CEP112: variants seen among roughly 807,000 people sequenced by gnomAD.
CEP112 encodes the protein centrosomal protein of 112 kDa.
CEP112 carries 127 observed loss-of-function variants against 153.0 expected under a neutral mutation model. The ratio of observed to expected loss-of-function variants is 0.83; its 90% CI spans 0.72 to 0.96. The LOEUF (loss-of-function observed/expected upper bound fraction) is 0.96. Ranked by LOEUF, CEP112 falls within the 40% of genes least tolerant of loss-of-function variation. The probability of loss-of-function intolerance (pLI) is 0.00; values close to 1 mark genes in which losing one functional copy is unlikely to be tolerated. For synonymous variants in CEP112, 358 were observed against 374.4 expected, an observed-to-expected ratio of 0.96 and a Z score of 0.51; for missense variants, 1,089 against 1,101.2, an observed-to-expected ratio of 0.99 and a Z score of 0.16.
At chr17:65,845,803 C>A (rs1361446432) in intron 21 of CEP112, among the ~76,000 whole-genome samples, 1 of 152,156 alleles carries the variant, frequency 6.6e-6, no homozygotes, top group African/African-American at 2.4e-5. Flanking sequence ...GAAGCTTTCA[C>A]TTTGCAAAAT....
intron 17 of CEP112, among the ~76,000 whole-genome samples, chr17:65,962,208 A>G (rs2062230567): frequency 6.6e-6 from 1 of 152,234 alleles, no homozygotes; most frequent in South Asian, 2.1e-4. Flanking sequence ...TTGTGAATAT[A>G]CTAATATCCA....
At chr17:65,974,030 A>C (rs548222590) in intron 17 of CEP112, among the ~76,000 whole-genome samples, 1 of 152,172 alleles carries the variant, frequency 6.6e-6, no homozygotes, top group Admixed American at 6.5e-5. Flanking sequence ...AAATGTTTAA[A>C]TTGTAACAAC....
chr17:65,890,954 C>G (rs1218950518), intron 20 of CEP112, among the ~76,000 whole-genome samples: 2 of 152,184 alleles, frequency 1.3e-5, no homozygotes, highest in Non-Finnish European at 2.9e-5. Context: ...TAAAGGAAGA[C>G]ATTCTTTACT....
intron 23 of CEP112, among the ~76,000 whole-genome samples, chr17:65,728,020 T>C (rs2050277447): frequency 1.3e-5 from 2 of 152,188 alleles, no homozygotes; most frequent in Admixed American, 1.3e-4. Context: ...TTTACCTTGG[T>C]TTTGTCAATA....
intron 22 of CEP112, among the ~76,000 whole-genome samples, chr17:65,746,185 A>AAG (rs2051450889): frequency 1.3e-5 from 2 of 149,996 alleles, no homozygotes; most frequent in South Asian, 2.1e-4. Context: ...AAAAAAAAAA[A>AAG]AAAGAAAAGA....
chr17:65,654,090 A>G (rs1760018124), intron 24 of CEP112, among the ~76,000 whole-genome samples: 1 of 149,720 alleles, frequency 6.7e-6, no homozygotes, highest in Non-Finnish European at 1.5e-5. Flanking sequence ...AAGAATAGGA[A>G]TGAAAGAAAT....
chr17:65,989,163 A>G (rs1229587591), intron 17 of CEP112, among the ~76,000 whole-genome samples: 2 of 151,168 alleles, frequency 1.3e-5, no homozygotes, highest in African/African-American at 4.9e-5. Context: ...TGAACCCAGG[A>G]GTCAGAGCTT....
rs149686628 is a variant in CEP112 at position 66,025,219 on chromosome 17, G to A, written c.1656+2282C>T. Among the ~76,000 whole-genome samples the A allele has an allele frequency of 3.6e-4, 55 of 152,100 alleles. No individual in the cohort carries two copies. In the Middle Eastern group the frequency reaches 0.01, roughly 28 times the overall value. The stretch of plus-strand genomic sequence containing the variant: ...CCTAGGGAAAACTCTTCTGGACATT[G>A]GTCTAATCAAAGAATTCATGACTAA... On this transcript the variant is annotated intron_variant, in intron 16 of 26. Coordinates refer to ENST00000535342, the MANE Select transcript of CEP112 (RefSeq NM_001199165.4).
chr17:65,885,200 A>G (rs2059233805), intron 20 of CEP112, among the ~76,000 whole-genome samples: 1 of 152,154 alleles, frequency 6.6e-6, no homozygotes, highest in South Asian at 2.1e-4. Context: ...AAAATTTTCT[A>G]ATGGATTGAG....
intron 6 of CEP112, among the ~76,000 whole-genome samples, chr17:66,103,198 A>C (rs1338247802): frequency 6.6e-6 from 1 of 151,948 alleles, no homozygotes; most frequent in Admixed American, 6.6e-5. Context: ...GCACTGAGTG[A>C]ATAAGAGCGA....
intron 19 of CEP112, among the ~76,000 whole-genome samples, chr17:65,907,620 A>G (rs2060132766): frequency 6.6e-6 from 1 of 152,170 alleles, no homozygotes; most frequent in Non-Finnish European, 1.5e-5. Flanking sequence ...CACCATCAGC[A>G]TCTTCTAGCA....
chr17:65,803,077 C>G (rs1295701874), intron 21 of CEP112, among the ~76,000 whole-genome samples: 1 of 152,222 alleles, frequency 6.6e-6, no homozygotes, highest in African/African-American at 2.4e-5. Context: ...TGTGAGATAT[C>G]CAGGTACCCT....
chr17:65,810,640 T>C (rs916932459), intron 21 of CEP112, among the ~76,000 whole-genome samples: 3 of 151,972 alleles, frequency 2.0e-5, no homozygotes, highest in Admixed American at 6.6e-5. Context: ...GTCAATTTGC[T>C]ACCACAGTAT....
At position 65,843,799 on chromosome 17, in the gene CEP112, C is replaced by T. The variant is rs553362947; in HGVS notation, c.2394+8005G>A. ...ACTGAGTAGAGCACATTGTAGAAAA[C>T]GTTTGATGTGTTGGTATATTTATAA... On this transcript the variant is annotated intron_variant, in intron 21 of 26. Coordinates refer to ENST00000535342, the MANE Select transcript of CEP112 (RefSeq NM_001199165.4). Among the ~76,000 whole-genome samples, 8 of 152,102 alleles carry T rather than the reference C, an allele frequency of 5.3e-5. No homozygotes were observed. In the South Asian group the frequency reaches 1.0e-3, roughly 20 times the overall value.
At chr17:65,715,889 A>G (rs60196012) in intron 23 of CEP112, among the ~76,000 whole-genome samples, 7,123 of 152,284 alleles carry the variant, frequency 0.047, 570 homozygotes, top group African/African-American at 0.16. Flanking sequence ...CATCACCCAC[A>G]TAACAATGAT....
intron 17 of CEP112, among the ~76,000 whole-genome samples, chr17:65,977,251 C>A (rs1241143819): frequency 6.6e-6 from 1 of 152,144 alleles, no homozygotes; most frequent in African/African-American, 2.4e-5. Context: ...CACAACTACT[C>A]GACACTTTAG....
At chr17:66,093,556 A>T (rs1371835603) in intron 8 of CEP112, among the ~76,000 whole-genome samples, 1 of 151,972 alleles carries the variant, frequency 6.6e-6, no homozygotes, top group Non-Finnish European at 1.5e-5. Context: ...TACAAAATCA[A>T]GAAAACAATC....
chr17:65,997,391 A>T (rs2063829026), intron 17 of CEP112, among the ~76,000 whole-genome samples: 1 of 152,124 alleles, frequency 6.6e-6, no homozygotes, highest in Admixed American at 6.6e-5. Context: ...CTCTCCATTT[A>T]TTATATGAAA....
chr17:65,783,316 T>C (rs1013133561), intron 21 of CEP112, among the ~76,000 whole-genome samples: 27 of 152,304 alleles, frequency 1.8e-4, no homozygotes, highest in African/African-American at 6.5e-4. Context: ...GTGTCAAAAT[T>C]TGAACTCTCC....
Sources: gnomAD v4.1 joint callset for allele counts (sites outside exome capture counted in the v4.1 genomes callset) on GRCh38, gnomAD v4.1.1 for gene constraint, MANE v1.5 for transcripts, NCBI Gene and HGNC (gene_info 2026-07-23, HGNC 2026-07-21) for gene names.